The following MYB variants were observed in gnomAD, a reference collection of about 807,000 sequenced individuals.
MYB encodes the protein MYB proto-oncogene, transcription factor.
In MYB, 28 loss-of-function variants were observed where a neutral mutation model predicts 92.9. That is an observed-to-expected ratio of 0.30 (90% CI 0.22 to 0.41). MYB has a LOEUF of 0.41. Among genes scored for constraint, MYB ranks in the 10% least tolerant of loss-of-function variants. MYB has a pLI of 1.00. For synonymous variants in MYB, 295 were observed against 329.1 expected (o/e 0.90, Z 1.12); for missense variants, 679 against 929.3 (o/e 0.73, Z 3.50).
chr6:135,181,867 A>C lies in MYB; in HGVS notation c.23+331A>C, dbSNP rs1207646955. On this transcript the variant is annotated intron_variant, in intron 1 of 15. Coordinates refer to ENST00000341911, the MANE Select transcript of MYB (RefSeq NM_001130173.2). This position sits in a 1 kb window ranked among gnomAD's most constrained non-coding sequence, Gnocchi z 5.3. ...GCCCACCAGCCCCGGGGAGCCCACC[A>C]GGTGCCTGGCTTGATGCCGCGGGTG... is the stretch of plus-strand genomic sequence containing the variant. Among the ~76,000 whole-genome samples, 1 of 152,208 alleles carries C rather than the reference A, an allele frequency of 6.6e-6. No homozygotes were observed. Among genetic ancestry groups the C allele is most frequent in the Non-Finnish European group, 1.5e-5 (1 of 68,022 alleles).
Position 135,181,679 on chromosome 6 carries a change from G to C in MYB, c.23+143G>C, listed in dbSNP as rs998820531. 5 of 420,348 alleles carry C rather than the reference G, an allele frequency of 1.2e-5. No individual in the cohort carries two copies. Among genetic ancestry groups the C allele is most frequent in the African/African-American group, 8.6e-5 (4 of 46,582 alleles). 26.0% of individuals were successfully genotyped at this position (420,348 alleles called of 1,614,324 possible). ...TCCGAGGACCTGGAGCCCCTGCCTC[G>C]GCAGCAGAAGCCGCTCCAGAGACTG... On this transcript the variant is annotated intron_variant, in intron 1 of 15. Transcript: ENST00000341911. The surrounding 1 kb of genome is among the most constrained non-coding windows in gnomAD (Gnocchi z 5.3).
chr6:135,192,261 A>C, intron 5 of MYB, 63 bp from the exon 6 acceptor site: 1 of 1,352,030 alleles, frequency 7.4e-7, no homozygotes, highest in Non-Finnish European at 1.1e-6. Context: ...GTTTTCTGTC[A>C]ATTCACTTTA....
chr6:135,192,823 A>G (rs918010718), intron 6 of MYB, among the ~76,000 whole-genome samples: 4 of 152,350 alleles, frequency 2.6e-5, no homozygotes, highest in Admixed American at 1.3e-4. Flanking sequence ...GAGCTGTCCG[A>G]TTCTAAATTG....
At chr6:135,215,360 T>G (rs927870826) in intron 15 of MYB, among the ~76,000 whole-genome samples, 8 of 152,220 alleles carry the variant, frequency 5.3e-5, no homozygotes, top group Non-Finnish European at 4.4e-5. Flanking sequence ...TTATTGTTTC[T>G]GATAAGAACT....
chr6:135,216,202 A>T (rs1340632881), intron 15 of MYB, among the ~76,000 whole-genome samples: 1 of 152,128 alleles, frequency 6.6e-6, no homozygotes, highest in Non-Finnish European at 1.5e-5. Context: ...GTTGTTCCTT[A>T]GTGTCCATGG....
intron 15 of MYB, among the ~76,000 whole-genome samples, chr6:135,205,022 A>G (rs1445260981): frequency 2.0e-5 from 3 of 152,094 alleles, no homozygotes. Context: ...AGCCGAGATC[A>G]TGACACTGCA....
At chr6:135,203,382 TTGGTGG>T (rs56247805) in intron 15 of MYB, 58 bp downstream of exon 15, 27 of 1,117,656 alleles carry the variant, frequency 2.4e-5, no homozygotes, top group Non-Finnish European at 2.9e-5. Context: ...ACTGTCATCT[TTGGTGG>T]TGGTGGTGGT....
chr6:135,204,898 A>G (rs1778655894), intron 15 of MYB, among the ~76,000 whole-genome samples: 1 of 151,932 alleles, frequency 6.6e-6, no homozygotes, highest in African/African-American at 2.4e-5. Flanking sequence ...ACTTGAGGTC[A>G]GGAGTTTGAG....
At chr6:135,195,124 A>T in intron 8 of MYB, 1 of 1,244,180 alleles carries the variant, frequency 8.0e-7, no homozygotes, top group Non-Finnish European at 1.0e-6. Context: ...TTAAATAATA[A>T]GATGTTTATG....
chr6:135,217,894 T>G lies in MYB; in HGVS notation c.2200T>G (p.Cys734Gly), dbSNP rs1348916847. 4 of 1,613,036 alleles carry G rather than the reference T, an allele frequency of 2.5e-6. No individual in the cohort carries two copies. The highest frequency in any genetic ancestry group is 1.3e-5 in the African/African-American group (1 of 74,884). The change falls in exon 16 of 16, where the codon TGT (cysteine) becomes GGT (glycine). Residue 734 changes from cysteine (C) to glycine (G), a missense_variant. By Grantham distance (159) the Cys-to-Gly change is radical. Around this residue, in one of 8 missense-constraint regions of MYB, gnomAD observed 402 missense variants for 434.2 expected, o/e 0.93. Coordinates refer to ENST00000341911, the MANE Select transcript of MYB (RefSeq NM_001130173.2). Reference sequence around the variant, plus strand: ...TAGCAGTACCTGGGAACCTGCATCCTGTGGAAAGATGGAGGAGCAGATGAC... The same window carrying G: ...TAGCAGTACCTGGGAACCTGCATCCGGTGGAAAGATGGAGGAGCAGATGAC... ...PCSSTWEPAS[C>G]GKMEEQMTSS...
At position 135,200,349 on chromosome 6, in the gene MYB, T is replaced by C. The variant is rs781043773; in HGVS notation, c.1884T>C (p.Asp628=). The change falls in exon 13 of 16, where the codon GAT becomes GAC. Residue 628 remains aspartate, a synonymous_variant. Coordinates refer to ENST00000341911, the MANE Select transcript of MYB (RefSeq NM_001130173.2). ...DLQDVIKQES[D]ESGIVAEFQE... ...AGGATGTGATCAAACAGGAATCTGA[T>C]GAATCTGGAATTGTTGCTGAGTTTC... is the stretch of plus-strand genomic sequence containing the variant. 6.8e-6 allele frequency: 11 copies of C among 1,614,180 alleles called. No individual in the cohort carries two copies. Among genetic ancestry groups the C allele is most frequent in the Non-Finnish European group, 8.5e-6 (10 of 1,180,014 alleles).
At chr6:135,208,682 G>A (rs946654107) in intron 15 of MYB, among the ~76,000 whole-genome samples, 10 of 151,878 alleles carry the variant, frequency 6.6e-5, no homozygotes, top group Non-Finnish European at 1.5e-4. Context: ...TGCCCAGCCT[G>A]AAGTATTTTA....
rs1780731780 is a variant in MYB at position 135,218,606 on chromosome 6, T to C, written c.*626T>C. ...TATATTTTTATTCAGTAATTTAATT[T>C]TGTAAATGCCAAATGAAAAACGTTT... On this transcript the variant is annotated 3_prime_UTR_variant, in exon 16 of 16. Transcript: ENST00000341911. 5.4e-6 allele frequency: 1 copy of C among 184,966 alleles called. No individual in the cohort carries two copies. The highest frequency in any genetic ancestry group is 2.0e-4 in the South Asian group (1 of 5,094). The allele number at this position is 184,966 out of a possible 1,614,324, so 11.5% of individuals were successfully genotyped here.
At chr6:135,203,677 T>C in intron 15 of MYB, 1 of 1,414,840 alleles carries the variant, frequency 7.1e-7, no homozygotes, top group East Asian at 2.8e-5. Flanking sequence ...TAGTTTACTT[T>C]ATGTTCCAAA....
At position 135,218,969 on chromosome 6, in the gene MYB, C is replaced by T. The variant is rs1218805534; in HGVS notation, c.*989C>T. 2 of 224,720 alleles carry T rather than the reference C, an allele frequency of 8.9e-6. No individual in the cohort carries two copies. The highest frequency in any genetic ancestry group is 1.8e-4 in the South Asian group (1 of 5,448). The allele number at this position is 224,720 out of a possible 1,614,324, so 13.9% of individuals were successfully genotyped here. ...TAATTTGGGAGTTCTGCATTTGATC[C>T]GCATCCCCTGTGGTTTCTAAGTGTA... is the stretch of plus-strand genomic sequence containing the variant. On this transcript the variant is annotated 3_prime_UTR_variant, in exon 16 of 16. Coordinates refer to ENST00000341911, the MANE Select transcript of MYB (RefSeq NM_001130173.2).
At chr6:135,213,196 G>A (rs764911835) in intron 15 of MYB, among the ~76,000 whole-genome samples, 13 of 152,162 alleles carry the variant, frequency 8.5e-5, no homozygotes, top group African/African-American at 7.2e-5. Context: ...AGAATCAGGC[G>A]TTCCAAGTCA....
chr6:135,195,815 A>T lies in MYB; in HGVS notation c.1016A>T (p.His339Leu), dbSNP rs1410998536. 1 of 1,613,936 alleles carries T rather than the reference A, an allele frequency of 6.2e-7. No individual in the cohort carries two copies. Among genetic ancestry groups the T allele is most frequent in the Non-Finnish European group, 8.5e-7 (1 of 1,180,016 alleles). ...ACCATTGCCGACCACACCAGACCTCATGGAGACAGTGCACCTGTTTCCTGT... is the reference window on the plus strand; with the variant it reads ...ACCATTGCCGACCACACCAGACCTCTTGGAGACAGTGCACCTGTTTCCTGT... ...STTIADHTRP[H>L]GDSAPVSCLG... The change falls in exon 9 of 16, where the codon CAT becomes CTT. Residue 339 changes from histidine to leucine, a missense_variant. By Grantham distance (99) the His-to-Leu change is moderately conservative. This residue lies in a region of MYB where 56 missense variants were observed against 55.8 expected (regional missense o/e 1.00). Transcript: ENST00000341911.
intron 15 of MYB, among the ~76,000 whole-genome samples, chr6:135,208,300 A>G (rs1410177281): frequency 2.7e-5 from 4 of 150,922 alleles, no homozygotes; most frequent in Non-Finnish European, 4.4e-5. Context: ...GATGGTCTCA[A>G]TCTCCTGACC....
chr6:135,200,248 A>C, intron 12 of MYB, 42 bp from the exon 13 acceptor site: 1 of 1,613,970 alleles, frequency 6.2e-7, no homozygotes, highest in Non-Finnish European at 8.5e-7. Flanking sequence ...TAGTCCCATT[A>C]GGAGTTCTCT....
Sources: allele counts gnomAD v4.1 joint callset (sites outside exome capture counted in the v4.1 genomes callset), GRCh38; gene constraint gnomAD v4.1.1; regional missense constraint gnomAD v4.1.1; non-coding constraint Gnocchi (gnomAD v3.1); transcripts MANE v1.5; gene names NCBI Gene and HGNC (gene_info 2026-07-23, HGNC 2026-07-21).